The following AGBL1 variants were observed in gnomAD, a reference collection of about 807,000 sequenced individuals.
The protein encoded by AGBL1 is cytosolic carboxypeptidase 4.
AGBL1 carries 130 observed loss-of-function variants against 118.9 expected under a neutral mutation model. The observed-to-expected ratio is 1.09, with a 90% CI of 0.95 to 1.26. The LOEUF is 1.26. Among genes scored for constraint, AGBL1 ranks in the 50% most tolerant of loss-of-function variants. The probability of loss-of-function intolerance (pLI) is 0.00; values close to 1 mark genes in which losing one functional copy is unlikely to be tolerated. For synonymous variants in AGBL1, 555 were observed against 478.9 expected, an observed-to-expected ratio of 1.16 and a Z score of -2.08; for missense variants, 1,584 against 1,298.1, an observed-to-expected ratio of 1.22 and a Z score of -3.38.
At chr15:86,291,567 G>A (rs2079545568) in intron 16 of AGBL1, among the ~76,000 whole-genome samples, 2 of 152,158 alleles carry the variant, frequency 1.3e-5, no homozygotes, top group South Asian at 4.1e-4. Flanking sequence ...CAACAAAACA[G>A]CACACATAGA....
At chr15:86,220,334 A>T (rs368953049) in intron 5 of AGBL1, among the ~76,000 whole-genome samples, 1 of 152,212 alleles carries the variant, frequency 6.6e-6, no homozygotes, top group South Asian at 2.1e-4. Context: ...GTAAACCAAG[A>T]CTAATAATTT....
chr15:86,991,880 T>C (rs1198786038), intron 24 of AGBL1, among the ~76,000 whole-genome samples: 2 of 152,156 alleles, frequency 1.3e-5, no homozygotes, highest in South Asian at 2.1e-4. Context: ...ATTGTATTAG[T>C]TGGGGATAGA....
In AGBL1 at chr15:86,909,641, C is replaced by T. The variant is rs966297494; in HGVS notation, c.*2347C>T. 4.6e-5 allele frequency: 7 copies of T among 152,130 alleles called. No homozygotes were observed. The highest frequency in any genetic ancestry group is 2.1e-4 in the South Asian group (1 of 4,822). 9.4% of individuals were successfully genotyped at this position (152,130 alleles called of 1,614,324 possible). A position where few individuals can be genotyped will look rare whatever the true frequency, so the allele number is the denominator to read the frequency against. ...AAAGATAATGAAAGTGAAACCCAAA[C>T]GCTATATAGCTCTTAACTCCTCCCA... On this transcript the variant is annotated 3_prime_UTR_variant, in exon 23 of 23. Transcript: ENST00000614907.
At chr15:86,946,237 G>A (rs2080819258) in intron 23 of AGBL1, 1 of 152,240 alleles carries the variant, frequency 6.6e-6, no homozygotes, top group African/African-American at 2.4e-5. Context: ...AGTTGTTGAA[G>A]AGTCACGTGC....
At chr15:86,730,912 C>T (rs12050526) in intron 22 of AGBL1, among the ~76,000 whole-genome samples, 91,867 of 151,984 alleles carry the variant, frequency 0.6, 28,012 homozygotes, top group South Asian at 0.68. Flanking sequence ...ACTGAAACCT[C>T]GGCCTCGTGG....
intron 23 of AGBL1, among the ~76,000 whole-genome samples, chr15:86,927,890 G>C (rs1285024644): frequency 6.6e-6 from 1 of 151,896 alleles, no homozygotes; most frequent in African/African-American, 2.4e-5. Flanking sequence ...TAGACCAAAG[G>C]TGAGCAGCTA....
intron 23 of AGBL1, among the ~76,000 whole-genome samples, chr15:86,965,779 T>A (rs1360409444): frequency 6.6e-6 from 1 of 152,100 alleles, no homozygotes; most frequent in Non-Finnish European, 1.5e-5. Flanking sequence ...CTGCATGTTG[T>A]CACTCATAAG....
intron 19 of AGBL1, among the ~76,000 whole-genome samples, chr15:86,529,274 G>A (rs1396252185): frequency 7.5e-6 from 1 of 133,256 alleles, no homozygotes; most frequent in Non-Finnish European, 1.5e-5. Context: ...GGAGCCGATG[G>A]AGCTGAAAAC....
intron 17 of AGBL1, among the ~76,000 whole-genome samples, chr15:86,396,883 A>G (rs1209955112): frequency 6.6e-6 from 1 of 152,182 alleles, no homozygotes; most frequent in Non-Finnish European, 1.5e-5. Context: ...GACATCTAGC[A>G]TCATGCTATT....
At chr15:86,506,505 C>A (rs1435562028) in intron 18 of AGBL1, among the ~76,000 whole-genome samples, 1 of 152,070 alleles carries the variant, frequency 6.6e-6, no homozygotes, top group African/African-American at 2.4e-5. Context: ...AGGACCAGTG[C>A]TGCTGATTCC....
chr15:86,211,287 AG>A lies in AGBL1; in HGVS notation c.489-13623del, dbSNP rs2078093263. On this transcript the variant is annotated intron_variant, in intron 5 of 22. Transcript: ENST00000614907. ...GAGGTGTCTCCCAGTTAGGCTACAC[AG>A]GGGTCAGGGATCCACTTGAGGAGGC... Among the ~76,000 whole-genome samples, 9 of 152,324 alleles carry A rather than the reference AG, an allele frequency of 5.9e-5. 1 individual carries two copies. In the Middle Eastern group the frequency reaches 0.027, roughly 461 times the overall value.
chr15:86,216,749 C>T, intron 5 of AGBL1, among the ~76,000 whole-genome samples: 1 of 152,166 alleles, frequency 6.6e-6, no homozygotes, highest in East Asian at 1.9e-4. Context: ...GAGAAGTCTT[C>T]TTAAAACATG....
chr15:86,202,479 T>G (rs2077922801), intron 5 of AGBL1, among the ~76,000 whole-genome samples: 1 of 152,172 alleles, frequency 6.6e-6, no homozygotes, highest in South Asian at 2.1e-4. Context: ...AAGTCTCAGT[T>G]TCTTCATAGT....
At chr15:86,974,417 CAT>C (rs2081147566) in intron 23 of AGBL1, among the ~76,000 whole-genome samples, 1 of 111,792 alleles carries the variant, frequency 8.9e-6, no homozygotes, top group African/African-American at 3.7e-5. Context: ...TAAATATAAA[CAT>C]ATTTTATATA....
chr15:86,180,052 C>A (rs1237019873), intron 5 of AGBL1, among the ~76,000 whole-genome samples: 1 of 133,038 alleles, frequency 7.5e-6, no homozygotes, highest in Non-Finnish European at 1.8e-5. Flanking sequence ...TGAAAGAAGA[C>A]ATAAATAGAG....
intron 17 of AGBL1, among the ~76,000 whole-genome samples, chr15:86,370,437 C>T (rs754075588): frequency 2.4e-4 from 37 of 151,944 alleles, no homozygotes; most frequent in Non-Finnish European, 4.4e-4. Flanking sequence ...CCTGAGTAGC[C>T]GGGATTACAG....
chr15:86,367,475 G>GGGT (rs1299130616), intron 17 of AGBL1, among the ~76,000 whole-genome samples: 136 of 152,194 alleles, frequency 8.9e-4, no homozygotes, highest in African/African-American at 3.1e-3. Context: ...GCTGGGGGCA[G>GGGT]GGTGGTGGTG....
At chr15:86,239,923 G>GGTA (rs768813572) in intron 6 of AGBL1, among the ~76,000 whole-genome samples, 6 of 152,066 alleles carry the variant, frequency 3.9e-5, no homozygotes, top group African/African-American at 9.7e-5. Context: ...CATTCCCCAA[G>GGTA]GTATATATAT....
At position 86,098,308 on chromosome 15, in the gene AGBL1, T is replaced by C. The variant is rs554328039; in HGVS notation, c.51+18285T>C. Among the ~76,000 whole-genome samples, 5 of 152,294 alleles carry C rather than the reference T, an allele frequency of 3.3e-5. No homozygotes were observed. In the South Asian group the frequency reaches 1.0e-3, roughly 32 times the overall value. ...TTTCCTCTTCTGCACAGCAGCTTTT[T>C]AGTTTACTATAGTCCCATTTATCTA... On this transcript the variant is annotated intron_variant, in intron 1 of 22. Coordinates refer to ENST00000614907, the MANE Select transcript of AGBL1 (RefSeq NM_001386094.1).
Sources: allele counts gnomAD v4.1 joint callset (sites outside exome capture counted in the v4.1 genomes callset), GRCh38; gene constraint gnomAD v4.1.1; transcripts MANE v1.5; gene names NCBI Gene and HGNC (gene_info 2026-07-23, HGNC 2026-07-21).